ETFA: variants seen among roughly 807,000 people sequenced by gnomAD.
ETFA encodes the protein electron transfer flavoprotein subunit alpha.
A neutral mutation model predicts 46.2 loss-of-function variants in ETFA; 22 were observed. The ratio of observed to expected loss-of-function variants is 0.48; its 90% CI spans 0.34 to 0.68. The LOEUF (loss-of-function observed/expected upper bound fraction) is 0.68. ETFA is among the 30% of genes least tolerant of loss of function. The pLI is 0.01. For missense variants in ETFA, 345 were observed against 401.1 expected, an observed-to-expected ratio of 0.86 and a Z score of 1.19; for synonymous variants, 131 against 139.9, an observed-to-expected ratio of 0.94 and a Z score of 0.45.
chr15:76,260,940 T>C, intron 9 of ETFA: 1 of 1,611,512 alleles, frequency 6.2e-7, no homozygotes, highest in Non-Finnish European at 8.5e-7. Context: ...TGTACAGGAC[T>C]GCAGCAGGGC....
rs542688270 is a variant in ETFA, at chr15:76,268,292, T to C, written c.816+6120A>G. 2.7e-5 allele frequency among the ~76,000 whole-genome samples: 4 copies of C among 150,664 alleles called. No individual in the cohort carries two copies. In the South Asian group the frequency reaches 6.3e-4, roughly 24 times the overall value. On this transcript the variant is annotated intron_variant, in intron 9 of 11. Coordinates refer to ENST00000557943, the MANE Select transcript of ETFA (RefSeq NM_000126.4). ...GCAGGAGATGAAAAAACTGTGTGGG[T>C]GCCCTCAAGGTGTGTATGACCATGG... is the stretch of plus-strand genomic sequence containing the variant.
Position 76,275,021 on chromosome 15 carries a change from A to G in ETFA, c.734-527T>C, listed in dbSNP as rs530125165. On this transcript the variant is annotated intron_variant, in intron 8 of 11. Transcript: ENST00000557943. ...CTCAGGCCTCTTCATCTCAAGCTGAAAAGGACAGAGGGAGCCATAGACAAT... is the reference window on the plus strand; with the variant it reads ...CTCAGGCCTCTTCATCTCAAGCTGAGAAGGACAGAGGGAGCCATAGACAAT... Among the ~76,000 whole-genome samples the G allele has an allele frequency of 2.1e-4, 32 of 152,270 alleles. 1 individual carries two copies. In the South Asian group the frequency reaches 6.4e-3, roughly 31 times the overall value.
At chr15:76,304,716 G>T (rs2469210) in intron 1 of ETFA, among the ~76,000 whole-genome samples, 2 of 150,256 alleles carry the variant, frequency 1.3e-5, no homozygotes, top group Non-Finnish European at 1.5e-5. Flanking sequence ...AATGATTTTA[G>T]ACAAAACTAA....
At chr15:76,240,426 A>C (rs1051342320) in intron 9 of ETFA, among the ~76,000 whole-genome samples, 4 of 152,244 alleles carry the variant, frequency 2.6e-5, no homozygotes, top group African/African-American at 7.2e-5. Flanking sequence ...GGAACTAAGC[A>C]AATGTCTTCT....
chr15:76,247,640 T>C (rs2039256192), intron 9 of ETFA, among the ~76,000 whole-genome samples: 1 of 152,238 alleles, frequency 6.6e-6, no homozygotes, highest in Non-Finnish European at 1.5e-5. Flanking sequence ...TAAGAGTTAT[T>C]TGCATTCATC....
intron 9 of ETFA, among the ~76,000 whole-genome samples, chr15:76,237,583 CTGT>C (rs1382836788): frequency 3.3e-5 from 5 of 152,146 alleles, no homozygotes; most frequent in Non-Finnish European, 7.4e-5. Flanking sequence ...GGCTCAACTG[CTGT>C]TATGTGTAAA....
At chr15:76,239,176 C>T (rs2039158214) in intron 9 of ETFA, among the ~76,000 whole-genome samples, 1 of 152,156 alleles carries the variant, frequency 6.6e-6, no homozygotes, top group African/African-American at 2.4e-5. Context: ...GAAGAGAAAG[C>T]AGAGTCTCAG....
At chr15:76,268,586 C>T (rs897108334) in intron 9 of ETFA, among the ~76,000 whole-genome samples, 3 of 152,218 alleles carry the variant, frequency 2.0e-5, no homozygotes, top group African/African-American at 7.2e-5. Flanking sequence ...CCTCTCTACC[C>T]TTCTACCCTA....
chr15:76,217,598 C>A (rs1307271360), intron 11 of ETFA: 2 of 455,740 alleles, frequency 4.4e-6, no homozygotes, highest in Admixed American at 2.4e-5. Context: ...TTAGTCGTGG[C>A]AGTGCAGTGG....
At chr15:76,224,894 A>G (rs2038989543) in intron 11 of ETFA, among the ~76,000 whole-genome samples, 1 of 152,222 alleles carries the variant, frequency 6.6e-6, no homozygotes, top group Admixed American at 6.5e-5. Context: ...TCAGGTGCTC[A>G]TCACCTGTAA....
At position 76,290,333 on chromosome 15, in the gene ETFA, C is replaced by CTTTTTTTTT. The variant is rs10682432; in HGVS notation, c.351+2089_351+2097dup. Among the ~76,000 whole-genome samples the CTTTTTTTTT allele has an allele frequency of 9.9e-4, 96 of 97,134 alleles. 2 individuals are homozygous for CTTTTTTTTT. The highest frequency in any genetic ancestry group is 1.4e-3 in the Non-Finnish European group (72 of 51,490). The allele number at this position is 97,134 out of a possible 152,430, so 63.7% of individuals were successfully genotyped here. On this transcript the variant is annotated intron_variant, in intron 4 of 11. Transcript: ENST00000557943. ...AACATTATGAGCCAAAGTCGCTACTCTTTTTTTTTTTTTTTTTTTTTGAGA... is the reference window on the plus strand; with the variant it reads ...AACATTATGAGCCAAAGTCGCTACTCTTTTTTTTTTTTTTTTTTTTTTTTTTTTTTGAGA...
At chr15:76,271,068 G>A (rs2039525185) in intron 9 of ETFA, among the ~76,000 whole-genome samples, 1 of 151,546 alleles carries the variant, frequency 6.6e-6, no homozygotes, top group Admixed American at 6.6e-5. Context: ...TACTCAGGAG[G>A]CTGAGACATG....
At chr15:76,232,290 T>G (rs1280789029) in intron 9 of ETFA, among the ~76,000 whole-genome samples, 2 of 152,266 alleles carry the variant, frequency 1.3e-5, no homozygotes, top group Non-Finnish European at 2.9e-5. Flanking sequence ...AATAAGTGCT[T>G]AATTAGAAGA....
Position 76,218,961 on chromosome 15 carries a change from C to T in ETFA, c.964-2364G>A, listed in dbSNP as rs76770288. Among the ~76,000 whole-genome samples, 1,099 of 152,168 alleles carry T rather than the reference C, an allele frequency of 7.2e-3. 7 individuals carry two copies. Among genetic ancestry groups the T allele is most frequent in the Non-Finnish European group, 0.011 (742 of 68,012 alleles). On this transcript the variant is annotated intron_variant, in intron 11 of 11. Transcript: ENST00000557943. ...CAATCAGAAGTGTCCTCAGCTTATA[C>T]TGGAATGTAGGAGAAGGAGAAGAGA...
In ETFA at chr15:76,272,813, C is replaced by CATATATATATATATATATAT. The variant is rs71143306; in HGVS notation, c.816+1598_816+1599insATATATATATATATATATAT. On this transcript the variant is annotated intron_variant, in intron 9 of 11. Coordinates refer to ENST00000557943, the MANE Select transcript of ETFA (RefSeq NM_000126.4). Reference sequence around the variant, plus strand: ...AAGACCCTGTCTCTTAAAATATATACATATATATATATATATATGCGCATG... The same window carrying CATATATATATATATATATAT: ...AAGACCCTGTCTCTTAAAATATATACATATATATATATATATATATATATATATATATATATATGCGCATG... Among the ~76,000 whole-genome samples, 91 of 137,580 alleles carry CATATATATATATATATATAT rather than the reference C, an allele frequency of 6.6e-4. 1 individual carries two copies. The highest frequency in any genetic ancestry group is 1.5e-3 in the Admixed American group (21 of 13,934). The allele number at this position is 137,580 out of a possible 152,430, so 90.3% of individuals were successfully genotyped here.
At chr15:76,297,526 A>T (rs55910716) in intron 1 of ETFA, among the ~76,000 whole-genome samples, 15,062 of 152,084 alleles carry the variant, frequency 0.099, 917 homozygotes, top group South Asian at 0.14. Flanking sequence ...AAAAATTATG[A>T]GATTTCCATC....
At chr15:76,281,599 T>C (rs962924926) in intron 8 of ETFA, among the ~76,000 whole-genome samples, 2 of 151,924 alleles carry the variant, frequency 1.3e-5, no homozygotes, top group African/African-American at 4.8e-5. Context: ...CTAATTTTTG[T>C]ATTTTTTAGT....
intron 9 of ETFA, among the ~76,000 whole-genome samples, chr15:76,262,196 A>G (rs1343039510): frequency 6.6e-6 from 1 of 152,132 alleles, no homozygotes; most frequent in Admixed American, 6.5e-5. Flanking sequence ...CTGAAAATGG[A>G]CCAAAAGAAA....
At chr15:76,220,599 A>G (rs2038947594) in intron 11 of ETFA, among the ~76,000 whole-genome samples, 1 of 152,250 alleles carries the variant, frequency 6.6e-6, no homozygotes, top group Admixed American at 6.5e-5. Context: ...AGGGACTTAT[A>G]TCCATAATAT....
Sources: gnomAD v4.1 joint callset for allele counts (sites outside exome capture counted in the v4.1 genomes callset) on GRCh38, gnomAD v4.1.1 for gene constraint, MANE v1.5 for transcripts, NCBI Gene and HGNC (gene_info 2026-07-23, HGNC 2026-07-21) for gene names.